The following ADGRB3 variants were observed in gnomAD, a reference collection of about 807,000 sequenced individuals.
ADGRB3 encodes the protein brain-specific angiogenesis inhibitor 3.
In ADGRB3, 37 loss-of-function variants were observed where a neutral mutation model predicts 193.4. The ratio of observed to expected loss-of-function variants is 0.19; its 90% CI spans 0.15 to 0.25. ADGRB3 has a LOEUF of 0.25. ADGRB3 is among the 10% of genes least tolerant of loss of function. The pLI is 1.00. For synonymous variants in ADGRB3, 690 were observed against 644.2 expected (o/e 1.07, Z -1.08); for missense variants, 1,637 against 1,852.9 (o/e 0.88, Z 2.14).
chr6:68,862,131 A>ACCCC (rs34902902), intron 3 of ADGRB3, among the ~76,000 whole-genome samples: 1 of 141,348 alleles, frequency 7.1e-6, no homozygotes, highest in Non-Finnish European at 1.5e-5. Context: ...AGGAGGAGGG[A>ACCCC]CCCCCCCCCC....
At chr6:68,840,366 AGTCTTTTTTTTTTTTTTTT>A (rs1768128447) in intron 3 of ADGRB3, among the ~76,000 whole-genome samples, 1 of 87,132 alleles carries the variant, frequency 1.1e-5, no homozygotes, top group East Asian at 2.7e-4. Flanking sequence ...GGCACTGGGC[AGTCTTTTTTTTTTTTTTTT>A]TTTTTTTTTT....
chr6:68,722,944 G>A (rs922471003), intron 3 of ADGRB3, among the ~76,000 whole-genome samples: 1 of 151,600 alleles, frequency 6.6e-6, no homozygotes, highest in Admixed American at 6.6e-5. Flanking sequence ...AATACATTCA[G>A]CAAAAAGCCC....
intron 17 of ADGRB3, among the ~76,000 whole-genome samples, chr6:69,181,030 G>A (rs1157190375): frequency 6.6e-6 from 1 of 152,100 alleles, no homozygotes; most frequent in Non-Finnish European, 1.5e-5. Flanking sequence ...TCAGCCTACT[G>A]GGTTGCTCAG....
chr6:68,714,812 G>A (rs1369898159), intron 3 of ADGRB3, among the ~76,000 whole-genome samples: 1 of 151,614 alleles, frequency 6.6e-6, no homozygotes, highest in Non-Finnish European at 1.5e-5. Flanking sequence ...AATTACATCT[G>A]GAATTCCTTT....
chr6:68,859,342 C>T (rs1434055531), intron 3 of ADGRB3, among the ~76,000 whole-genome samples: 1 of 152,204 alleles, frequency 6.6e-6, no homozygotes, highest in Admixed American at 6.5e-5. Context: ...TCTGAGTCCT[C>T]TGAACTGTTC....
chr6:69,145,349 G>A (rs1774459749), intron 17 of ADGRB3, among the ~76,000 whole-genome samples: 1 of 152,186 alleles, frequency 6.6e-6, no homozygotes, highest in Admixed American at 6.5e-5. Flanking sequence ...TCCCACAACA[G>A]CTTCCACAGC....
At chr6:68,676,823 G>C (rs1352260019) in intron 3 of ADGRB3, among the ~76,000 whole-genome samples, 1 of 151,968 alleles carries the variant, frequency 6.6e-6, no homozygotes, top group Non-Finnish European at 1.5e-5. Flanking sequence ...GTTACCAAGG[G>C]TTTCAAGTTA....
chr6:68,850,156 A>G (rs1207514129), intron 3 of ADGRB3, among the ~76,000 whole-genome samples: 1 of 151,900 alleles, frequency 6.6e-6, no homozygotes, highest in African/African-American at 2.4e-5. Context: ...AGTTATGTAT[A>G]TAACTGGATT....
intron 3 of ADGRB3, among the ~76,000 whole-genome samples, chr6:68,690,763 C>T (rs1029436530): frequency 6.6e-6 from 1 of 152,066 alleles, no homozygotes; most frequent in Non-Finnish European, 1.5e-5. Context: ...ATGGGTTAAA[C>T]CTCTAATCTG....
chr6:69,024,927 C>A (rs1272518390), intron 13 of ADGRB3, among the ~76,000 whole-genome samples: 1 of 151,798 alleles, frequency 6.6e-6, no homozygotes, highest in Non-Finnish European at 1.5e-5. Flanking sequence ...ACCGTCTCTA[C>A]TAAAAATACA....
At chr6:68,687,261 C>T (rs1764999011) in intron 3 of ADGRB3, among the ~76,000 whole-genome samples, 1 of 151,926 alleles carries the variant, frequency 6.6e-6, no homozygotes, top group African/African-American at 2.4e-5. Flanking sequence ...ATTTAAATTT[C>T]ATATCACGTA....
At chr6:68,772,894 A>ATATATATATATATAT (rs1554191414) in intron 3 of ADGRB3, among the ~76,000 whole-genome samples, 8 of 22,888 alleles carry the variant, frequency 3.5e-4, no homozygotes, top group Admixed American at 2.7e-3. Context: ...AAAAAAAAAA[A>ATATATATATATATAT]ATATATATAT....
At chr6:69,025,280 A>G (rs1039261143) in intron 13 of ADGRB3, among the ~76,000 whole-genome samples, 1 of 152,060 alleles carries the variant, frequency 6.6e-6, no homozygotes, top group Admixed American at 6.5e-5. Flanking sequence ...GTTCTTTCTT[A>G]TATTCACTGG....
At chr6:69,047,391 T>A (rs1771267982) in intron 13 of ADGRB3, among the ~76,000 whole-genome samples, 1 of 150,464 alleles carries the variant, frequency 6.6e-6, no homozygotes, top group South Asian at 2.1e-4. Context: ...TAATATAAAT[T>A]TGTATATAAC....
At chr6:68,936,764 A>T in intron 5 of ADGRB3, 84 bp downstream of exon 5, 1 of 1,414,578 alleles carries the variant, frequency 7.1e-7, no homozygotes, top group African/African-American at 1.4e-5. Context: ...TTTTCATATG[A>T]AACGGGTATA....
intron 17 of ADGRB3, among the ~76,000 whole-genome samples, chr6:69,227,018 G>A (rs1265530881): frequency 1.3e-5 from 2 of 152,184 alleles, no homozygotes; most frequent in African/African-American, 4.8e-5. Context: ...GTCTCTTGAT[G>A]GGAAGTGTTA....
intron 17 of ADGRB3, among the ~76,000 whole-genome samples, chr6:69,097,688 G>A (rs188049225): frequency 6.7e-6 from 1 of 148,594 alleles, no homozygotes; most frequent in Admixed American, 6.7e-5. Context: ...GTATATGTGT[G>A]TGTATATATG....
chr6:68,942,068 A>G (rs1274098426), intron 5 of ADGRB3, among the ~76,000 whole-genome samples: 1 of 151,852 alleles, frequency 6.6e-6, no homozygotes, highest in Non-Finnish European at 1.5e-5. Flanking sequence ...CAAGGTTCTC[A>G]GAATCTTAAA....
chr6:69,130,401 G>C (rs1156761190), intron 17 of ADGRB3, among the ~76,000 whole-genome samples: 2 of 151,486 alleles, frequency 1.3e-5, no homozygotes, highest in Non-Finnish European at 2.9e-5. Flanking sequence ...AGTATGCCCA[G>C]TTCTGAACAC....
Sources: gnomAD v4.1 joint callset for allele counts (sites outside exome capture counted in the v4.1 genomes callset) on GRCh38, gnomAD v4.1.1 for gene constraint, MANE v1.5 for transcripts, NCBI Gene and HGNC (gene_info 2026-07-23, HGNC 2026-07-21) for gene names.